VPS13D: variants seen among roughly 807,000 people sequenced by gnomAD.
VPS13D encodes the protein intermembrane lipid transfer protein VPS13D.
A neutral mutation model predicts 461.9 loss-of-function variants in VPS13D; 187 were observed. The ratio of observed to expected loss-of-function variants is 0.40; its 90% CI spans 0.36 to 0.46. The LOEUF (loss-of-function observed/expected upper bound fraction) is 0.46. Among genes scored for constraint, VPS13D ranks in the 20% least tolerant of loss-of-function variants. VPS13D has a pLI of 0.60. For missense variants in VPS13D, 4,711 were observed against 5,364.9 expected (o/e 0.88, Z 3.81); for synonymous variants, 1,951 against 1,986.3 (o/e 0.98, Z 0.47).
rs1337642791 is a variant in VPS13D at position 12,473,276 on chromosome 1, G to A, written c.12662+12880G>A. Reference sequence around the variant, plus strand: ...AGCGCTTGTTTCAGAAAAAGATGTGGAAAGGACGTAAAATCACAGGTTCTT... The same window carrying A: ...AGCGCTTGTTTCAGAAAAAGATGTGAAAAGGACGTAAAATCACAGGTTCTT... On this transcript the variant is annotated intron_variant, in intron 67 of 69. Transcript: ENST00000620676. The surrounding 1 kb of genome is among the most constrained non-coding windows in gnomAD (Gnocchi z 4.2). 1.3e-5 allele frequency among the ~76,000 whole-genome samples: 2 copies of A among 152,138 alleles called. No homozygotes were observed. The highest frequency in any genetic ancestry group is 3.8e-4 in the East Asian group (2 of 5,202).
chr1:12,342,850 G>A (rs776324784), intron 41 of VPS13D, 49 bp from the exon 42 acceptor site: 20 of 1,557,362 alleles, frequency 1.3e-5, no homozygotes, highest in African/African-American at 5.4e-5. Context: ...CTGTGAGAGG[G>A]AGCTGGGAAG....
rs996984828 is a variant in VPS13D at position 12,368,598 on chromosome 1, A to T, written c.10572+7A>T. 5.6e-6 allele frequency: 9 copies of T among 1,610,254 alleles called. No individual in the cohort carries two copies. The highest frequency in any genetic ancestry group is 6.8e-6 in the Non-Finnish European group (8 of 1,178,084). On this transcript the variant is annotated splice_region_variant and intron_variant, in intron 53 of 69. Transcript: ENST00000620676. ...AATTGACAACTTTTCTAAGGTATCAAGTGGAGCTGAGAGCCAGTTTGACTG... is the reference window on the plus strand; with the variant it reads ...AATTGACAACTTTTCTAAGGTATCATGTGGAGCTGAGAGCCAGTTTGACTG...
intron 67 of VPS13D, among the ~76,000 whole-genome samples, chr1:12,491,871 G>A (rs1025650060): frequency 6.6e-6 from 1 of 152,220 alleles, no homozygotes; most frequent in Non-Finnish European, 1.5e-5. Flanking sequence ...CGCAGCAGCT[G>A]AGGGCTTAAC....
chr1:12,262,198 CT>C, intron 13 of VPS13D, 118 bp downstream of exon 13: 2 of 1,117,736 alleles, frequency 1.8e-6, no homozygotes, highest in Non-Finnish European at 2.5e-6. Flanking sequence ...ACTGTATTAG[CT>C]AATGTGGAAC....
At chr1:12,426,550 C>A (rs1644926704) in intron 65 of VPS13D, among the ~76,000 whole-genome samples, 1 of 152,290 alleles carries the variant, frequency 6.6e-6, no homozygotes, top group East Asian at 1.9e-4. Context: ...TAGTCCTTTT[C>A]TTTCCTTACC....
chr1:12,347,330 C>G (rs543514004), intron 44 of VPS13D, among the ~76,000 whole-genome samples: 1 of 152,196 alleles, frequency 6.6e-6, no homozygotes, highest in Non-Finnish European at 1.5e-5. Context: ...GCCACCACCC[C>G]CGGCTAATTT....
At position 12,502,301 on chromosome 1, in the gene VPS13D, C is replaced by A. The variant is rs909941081; in HGVS notation, c.12795-4552C>A. ...ACAGATTGGAGAGGCATTTAGGAGG[C>A]AGCATCAGTGGAACCCTCAACTGCT... On this transcript the variant is annotated intron_variant, in intron 68 of 69. Transcript: ENST00000620676. The surrounding 1 kb of genome is among the most constrained non-coding windows in gnomAD (Gnocchi z 4.3). Among the ~76,000 whole-genome samples the A allele has an allele frequency of 6.6e-6, 1 of 152,118 alleles. No individual in the cohort carries two copies. Among genetic ancestry groups the A allele is most frequent in the Admixed American group, 6.5e-5 (1 of 15,270 alleles).
chr1:12,501,693 G>C (rs1377046569), intron 68 of VPS13D, among the ~76,000 whole-genome samples: 3 of 152,314 alleles, frequency 2.0e-5, no homozygotes, highest in Admixed American at 1.3e-4. Context: ...TCCTCAGTGC[G>C]TTCACAGTTT....
At chr1:12,312,050 T>TA in intron 29 of VPS13D, 125 bp downstream of exon 29, 4 of 640,914 alleles carry the variant, frequency 6.2e-6, no homozygotes, top group South Asian at 2.9e-5. Flanking sequence ...CTGCAGAGTG[T>TA]CTTTTGGTTG....
chr1:12,277,169 C>G lies in VPS13D; in HGVS notation c.3581C>G (p.Ala1194Gly), dbSNP rs1641639247. Residue 1194 changes from alanine to glycine, a missense_variant, in exon 19 of 70, where the codon GCA (alanine) becomes GGA (glycine). Around this residue, in one of 3 missense-constraint regions of VPS13D, gnomAD observed 4,411 missense variants for 4,937.8 expected, o/e 0.89. Transcript: ENST00000620676. ...ANREKYGRKI[A>G]TASIGGTKVN... Reference sequence around the variant, plus strand: ...AGAGAGAAATATGGCAGAAAAATTGCAACTGCAAGTATAGGTGGCACCAAA... The same window carrying G: ...AGAGAGAAATATGGCAGAAAAATTGGAACTGCAAGTATAGGTGGCACCAAA... 6.2e-7 allele frequency: 1 copy of G among 1,614,176 alleles called. No homozygotes were observed. Among genetic ancestry groups the G allele is most frequent in the Non-Finnish European group, 8.5e-7 (1 of 1,180,040 alleles).
At chr1:12,401,334 C>T (rs1313615160) in intron 61 of VPS13D, among the ~76,000 whole-genome samples, 2 of 152,188 alleles carry the variant, frequency 1.3e-5, no homozygotes, top group Non-Finnish European at 2.9e-5. Flanking sequence ...AAAGTTCATC[C>T]ACCACAGTGC....
At chr1:12,433,969 TGGA>T (rs145294229) in intron 65 of VPS13D, among the ~76,000 whole-genome samples, 40 of 146,686 alleles carry the variant, frequency 2.7e-4, no homozygotes, top group East Asian at 4.0e-4. Flanking sequence ...TGTGTGTGTG[TGGA>T]GGAGGAGGAG....
chr1:12,293,523 GAT>G lies in VPS13D; in HGVS notation c.5854_5855del (p.Tyr1952ArgfsTer4). ...AGTCACACTTTTATCCTAATTTTTA[GAT>G]ACGGACGGCCTGACCCTCTGCTCCG... On this transcript the variant is annotated frameshift_variant and splice_region_variant, in exon 24 of 70. Transcript: ENST00000620676. LOFTEE classifies it high-confidence loss of function. The G allele has an allele frequency of 6.3e-7, 1 of 1,591,452 alleles. No individual in the cohort carries two copies. The highest frequency in any genetic ancestry group is 8.6e-7 in the Non-Finnish European group (1 of 1,167,292).
rs536013721 is a variant in VPS13D at position 12,504,695 on chromosome 1, C to T, written c.12795-2158C>T. Reference sequence around the variant, plus strand: ...TCCTTCGCTGTGCTCTCTACTTTTCCGGAGGGCGTCCCAGCTCAGAGTCAC... The same window carrying T: ...TCCTTCGCTGTGCTCTCTACTTTTCTGGAGGGCGTCCCAGCTCAGAGTCAC... On this transcript the variant is annotated intron_variant, in intron 68 of 69. Coordinates refer to ENST00000620676, the MANE Select transcript of VPS13D (RefSeq NM_015378.4). 9.8e-5 allele frequency among the ~76,000 whole-genome samples: 15 copies of T among 152,298 alleles called. No individual in the cohort carries two copies. The South Asian group carries it at 2.5e-3, about 25-fold the overall frequency.
At chr1:12,381,929 T>TTCTTC (rs1491503387) in intron 57 of VPS13D, among the ~76,000 whole-genome samples, 1 of 86,948 alleles carries the variant, frequency 1.2e-5, no homozygotes, top group Non-Finnish European at 2.2e-5. Flanking sequence ...TTCTTTTCTT[T>TTCTTC]CTTTCTTTCT....
chr1:12,361,629 T>G (rs1643951664), intron 50 of VPS13D, among the ~76,000 whole-genome samples: 1 of 151,384 alleles, frequency 6.6e-6, no homozygotes, highest in Non-Finnish European at 1.5e-5. Context: ...TCTCCTGACC[T>G]CGTGATCCGC....
At chr1:12,310,845 T>C (rs1482415318) in intron 27 of VPS13D, among the ~76,000 whole-genome samples, 9 of 98,494 alleles carry the variant, frequency 9.1e-5, no homozygotes, top group South Asian at 4.3e-4. Flanking sequence ...CCTTCCCTCC[T>C]TCCCTCCTTC....
intron 5 of VPS13D, among the ~76,000 whole-genome samples, chr1:12,247,489 A>T (rs9727870): frequency 6.6e-6 from 1 of 152,008 alleles, no homozygotes; most frequent in Admixed American, 6.6e-5. Flanking sequence ...AAAGAAAAAA[A>T]TTAAAAAAAA....
Position 12,329,819 on chromosome 1 carries a change from T to C in VPS13D, c.8198-10T>C. Reference sequence around the variant, plus strand: ...CCCTGCCGCTGCAGTAAGGTTTGCTTTCATTGCAGGTCTGAATTTTCTTCA... The same window carrying C: ...CCCTGCCGCTGCAGTAAGGTTTGCTCTCATTGCAGGTCTGAATTTTCTTCA... On this transcript the variant is annotated splice_polypyrimidine_tract_variant and intron_variant, in intron 36 of 69. Transcript: ENST00000620676. 1 of 1,613,712 alleles carries C rather than the reference T, an allele frequency of 6.2e-7. No individual in the cohort carries two copies. The highest frequency in any genetic ancestry group is 8.5e-7 in the Non-Finnish European group (1 of 1,179,730).
Sources: allele counts gnomAD v4.1 joint callset (sites outside exome capture counted in the v4.1 genomes callset), GRCh38; gene constraint gnomAD v4.1.1; regional missense constraint gnomAD v4.1.1; non-coding constraint Gnocchi (gnomAD v3.1); transcripts MANE v1.5; gene names NCBI Gene and HGNC (gene_info 2026-07-23, HGNC 2026-07-21).